SLC24A2: variants seen among roughly 807,000 people sequenced by gnomAD.
SLC24A2 encodes solute carrier family 24 member 2.
In SLC24A2, 36 loss-of-function variants were observed where a neutral mutation model predicts 62.0. The observed-to-expected ratio is 0.58, with a 90% CI of 0.44 to 0.77. SLC24A2 has a LOEUF of 0.77. SLC24A2 is among the 30% of genes least tolerant of loss of function. SLC24A2 has a pLI of 0.00. For missense variants in SLC24A2, 846 were observed against 817.9 expected, an observed-to-expected ratio of 1.03 and a Z score of -0.42; for synonymous variants, 358 against 294.0, an observed-to-expected ratio of 1.22 and a Z score of -2.23.
intron 7 of SLC24A2, among the ~76,000 whole-genome samples, chr9:19,570,776 G>A (rs543816617): frequency 5.9e-5 from 9 of 152,324 alleles, no homozygotes; most frequent in Admixed American, 2.6e-4. Context: ...GCTCAGGGAA[G>A]CTAGGTAACT....
chr9:20,280,941 C>G, the SLC24A2 span, among the ~76,000 whole-genome samples: 1 of 152,146 alleles, frequency 6.6e-6, no homozygotes, highest in African/African-American at 2.4e-5. Flanking sequence ...CCTAGAGCAT[C>G]TGGAGGAACA....
intron 2 of SLC24A2, among the ~76,000 whole-genome samples, chr9:19,690,357 G>C (rs1044660932): frequency 6.6e-6 from 1 of 152,052 alleles, no homozygotes; most frequent in Non-Finnish European, 1.5e-5. Flanking sequence ...CAGTAAGTAG[G>C]CCCCACCTCT....
chr9:20,044,280 G>T, the SLC24A2 span, among the ~76,000 whole-genome samples: 2 of 152,108 alleles, frequency 1.3e-5, no homozygotes, highest in Non-Finnish European at 2.9e-5. Flanking sequence ...TATTGTGATG[G>T]TCTGGAACCT....
chr9:19,961,964 C>T, the SLC24A2 span, among the ~76,000 whole-genome samples: 4 of 152,210 alleles, frequency 2.6e-5, no homozygotes, highest in Non-Finnish European at 4.4e-5. Flanking sequence ...AGATTCTTGA[C>T]TCTCAGAAAC....
intron 4 of SLC24A2, among the ~76,000 whole-genome samples, chr9:19,603,254 A>G (rs1836888486): frequency 6.6e-6 from 1 of 152,148 alleles, no homozygotes; most frequent in Admixed American, 6.6e-5. Flanking sequence ...GCTTGTCTAT[A>G]AATTGAAAGA....
chr9:20,207,229 G>C, the SLC24A2 span, among the ~76,000 whole-genome samples: 1 of 152,088 alleles, frequency 6.6e-6, no homozygotes, highest in African/African-American at 2.4e-5. Context: ...AAAAATTCCA[G>C]CAATTACAAT....
At chr9:20,068,302 T>C in the SLC24A2 span, among the ~76,000 whole-genome samples, 1 of 152,066 alleles carries the variant, frequency 6.6e-6, no homozygotes, top group Admixed American at 6.6e-5. Context: ...GACCTCGTAA[T>C]CCACCTGCCT....
the SLC24A2 span, among the ~76,000 whole-genome samples, chr9:20,108,628 C>A: frequency 6.7e-6 from 1 of 148,200 alleles, no homozygotes; most frequent in Non-Finnish European, 1.5e-5. Flanking sequence ...TATTCTCACT[C>A]ATAGGTGGGA....
the SLC24A2 span, among the ~76,000 whole-genome samples, chr9:20,008,599 C>T: frequency 6.6e-6 from 1 of 152,204 alleles, no homozygotes; most frequent in African/African-American, 2.4e-5. Context: ...GAGAAATCCT[C>T]TTATATTCCC....
the SLC24A2 span, among the ~76,000 whole-genome samples, chr9:20,022,335 A>C: frequency 2.0e-5 from 3 of 152,244 alleles, no homozygotes. Context: ...AAGCCAATTC[A>C]TAGATATTTA....
chr9:19,553,436 G>A (rs896548139), intron 7 of SLC24A2, among the ~76,000 whole-genome samples: 1 of 152,210 alleles, frequency 6.6e-6, no homozygotes, highest in Admixed American at 6.5e-5. Flanking sequence ...AATGGCTTTT[G>A]ATATGAGGGC....
chr9:20,300,332 T>C, the SLC24A2 span, among the ~76,000 whole-genome samples: 1 of 152,236 alleles, frequency 6.6e-6, no homozygotes, highest in Non-Finnish European at 1.5e-5. Context: ...ATTGAGCTCC[T>C]CCATCAAACT....
chr9:19,861,028 G>C, the SLC24A2 span, among the ~76,000 whole-genome samples: 1 of 152,154 alleles, frequency 6.6e-6, no homozygotes, highest in African/African-American at 2.4e-5. Flanking sequence ...TGAAGGGAAG[G>C]AGATAGGCCT....
the SLC24A2 span, among the ~76,000 whole-genome samples, chr9:20,106,728 C>T: frequency 8.5e-5 from 13 of 152,186 alleles, no homozygotes; most frequent in Middle Eastern, 3.4e-3. Flanking sequence ...TATGACAAAC[C>T]CACAGCCAAT....
chr9:20,242,077 G>A, the SLC24A2 span, among the ~76,000 whole-genome samples: 38 of 152,080 alleles, frequency 2.5e-4, no homozygotes, highest in Admixed American at 4.6e-4. Context: ...GGACTAACGC[G>A]CCAGCAGGTG....
At chr9:19,611,861 G>A (rs1327060467) in intron 4 of SLC24A2, among the ~76,000 whole-genome samples, 2 of 152,152 alleles carry the variant, frequency 1.3e-5, no homozygotes, top group Non-Finnish European at 2.9e-5. Flanking sequence ...ATGTGGTCCT[G>A]GGAAAATAGA....
At chr9:20,295,413 G>A in the SLC24A2 span, among the ~76,000 whole-genome samples, 3 of 152,200 alleles carry the variant, frequency 2.0e-5, no homozygotes, top group Admixed American at 2.0e-4. Context: ...GACAAGGAGT[G>A]GATTTGTGGA....
the SLC24A2 span, among the ~76,000 whole-genome samples, chr9:20,120,135 A>G: frequency 1.3e-5 from 2 of 152,152 alleles, no homozygotes; most frequent in South Asian, 2.1e-4. Flanking sequence ...TTCACACACA[A>G]GTATTTTTTC....
the SLC24A2 span, among the ~76,000 whole-genome samples, chr9:19,918,770 G>A: frequency 1.3e-5 from 2 of 152,200 alleles, no homozygotes; most frequent in African/African-American, 4.8e-5. Flanking sequence ...CTGGGAGGCA[G>A]AGAGTCCACA....
Sources: gnomAD v4.1 joint callset for allele counts (sites outside exome capture counted in the v4.1 genomes callset) on GRCh38, gnomAD v4.1.1 for gene constraint, MANE v1.5 for transcripts, NCBI Gene and HGNC (gene_info 2026-07-23, HGNC 2026-07-21) for gene names.